The following SORCS3 variants were observed in gnomAD, a reference collection of about 807,000 sequenced individuals.
SORCS3 encodes VPS10 domain-containing receptor SorCS3.
A neutral mutation model predicts 146.3 loss-of-function variants in SORCS3; 57 were observed. The ratio of observed to expected loss-of-function variants is 0.39; its 90% CI spans 0.31 to 0.49. The LOEUF (loss-of-function observed/expected upper bound fraction) is 0.49. Among genes scored for constraint, SORCS3 ranks in the 20% least tolerant of loss-of-function variants. The pLI, the probability that SORCS3 is intolerant of heterozygous loss-of-function variation, is 0.92. For missense variants in SORCS3, 1,341 were observed against 1,575.5 expected (o/e 0.85, Z 2.52); for synonymous variants, 653 against 618.5 (o/e 1.06, Z -0.83).
intron 3 of SORCS3, among the ~76,000 whole-genome samples, chr10:104,940,272 T>C (rs2019306140): frequency 7.2e-6 from 1 of 138,722 alleles, no homozygotes; most frequent in African/African-American, 2.5e-5. Context: ...CTTTAAGTTC[T>C]AGGGTACATG....
intron 2 of SORCS3, among the ~76,000 whole-genome samples, chr10:104,913,835 A>T (rs984783975): frequency 2.5e-4 from 35 of 138,430 alleles, no homozygotes; most frequent in African/African-American, 9.8e-4. Context: ...CAGTGGTGCG[A>T]TCTCAGCTCA....
chr10:104,816,858 C>T (rs1196943353), intron 1 of SORCS3, among the ~76,000 whole-genome samples: 1 of 152,204 alleles, frequency 6.6e-6, no homozygotes, highest in African/African-American at 2.4e-5. Context: ...TCTCTCCTTA[C>T]TTTCACTTCC....
intron 20 of SORCS3, among the ~76,000 whole-genome samples, chr10:105,235,705 T>C (rs937403990): frequency 6.6e-6 from 1 of 151,960 alleles, no homozygotes; most frequent in Non-Finnish European, 1.5e-5. Context: ...TCCCCAGTCT[T>C]TTTTAGGGAG....
intron 13 of SORCS3, among the ~76,000 whole-genome samples, chr10:105,168,494 G>C (rs556295918): frequency 2.0e-5 from 3 of 152,148 alleles, no homozygotes; most frequent in Non-Finnish European, 4.4e-5. Flanking sequence ...AATATTTGTG[G>C]GTGGAGAATA....
chr10:104,905,373 G>A (rs1471186081), intron 2 of SORCS3, among the ~76,000 whole-genome samples: 1 of 150,012 alleles, frequency 6.7e-6, no homozygotes, highest in East Asian at 1.9e-4. Flanking sequence ...TGTGTTGGAA[G>A]ACTTTAGCCC....
intron 9 of SORCS3, among the ~76,000 whole-genome samples, chr10:105,154,368 A>G (rs2056190639): frequency 1.3e-5 from 2 of 152,168 alleles, no homozygotes; most frequent in South Asian, 4.1e-4. Context: ...CTTTGTCCTG[A>G]GGTCTCTGGG....
chr10:104,780,643 G>C (rs989416270), intron 1 of SORCS3, among the ~76,000 whole-genome samples: 1 of 152,234 alleles, frequency 6.6e-6, no homozygotes, highest in Non-Finnish European at 1.5e-5. Context: ...TATGAAACCA[G>C]ATCTCTGGGT....
intron 2 of SORCS3, among the ~76,000 whole-genome samples, chr10:104,863,811 G>T (rs115662677): frequency 1.6e-3 from 240 of 152,332 alleles, no homozygotes; most frequent in African/African-American, 5.7e-3. Context: ...CAGCTAGATG[G>T]TATAGGATGG....
chr10:105,038,894 A>G (rs2055321830), intron 4 of SORCS3, among the ~76,000 whole-genome samples: 1 of 152,184 alleles, frequency 6.6e-6, no homozygotes, highest in Non-Finnish European at 1.5e-5. Flanking sequence ...TTTTGTAATC[A>G]CAAAAGTAAT....
intron 5 of SORCS3, among the ~76,000 whole-genome samples, chr10:105,045,440 C>T (rs1019772837): frequency 6.6e-6 from 1 of 152,088 alleles, no homozygotes; most frequent in African/African-American, 2.4e-5. Flanking sequence ...TTGTAATTAT[C>T]ACTTCTCCAT....
intron 2 of SORCS3, among the ~76,000 whole-genome samples, chr10:104,859,299 G>C (rs55780381): frequency 3.9e-5 from 6 of 152,084 alleles, no homozygotes; most frequent in East Asian, 3.9e-4. Context: ...ACAAACCTGA[G>C]AAAAACAAGC....
intron 9 of SORCS3, among the ~76,000 whole-genome samples, chr10:105,154,257 T>C (rs1253912153): frequency 6.6e-6 from 1 of 152,112 alleles, no homozygotes; most frequent in Non-Finnish European, 1.5e-5. Context: ...AGGGTCTTTT[T>C]TCCCTGAACC....
At chr10:104,720,096 A>C (rs1467154303) in intron 1 of SORCS3, among the ~76,000 whole-genome samples, 2 of 152,100 alleles carry the variant, frequency 1.3e-5, no homozygotes, top group African/African-American at 4.8e-5. Flanking sequence ...ATTTAACAAT[A>C]GGTATATCTC....
intron 20 of SORCS3, among the ~76,000 whole-genome samples, chr10:105,232,579 C>T (rs2056771583): frequency 6.6e-6 from 1 of 151,068 alleles, no homozygotes; most frequent in Non-Finnish European, 1.5e-5. Flanking sequence ...TTTCTGCTTA[C>T]CTTGGAGTTT....
chr10:104,746,068 TG>T (rs1327887787), intron 1 of SORCS3, among the ~76,000 whole-genome samples: 2 of 152,004 alleles, frequency 1.3e-5, no homozygotes, highest in African/African-American at 4.8e-5. Context: ...ATTTTGAAGG[TG>T]GTGTTTTAAT....
intron 1 of SORCS3, among the ~76,000 whole-genome samples, chr10:104,755,851 T>C (rs2017044570): frequency 6.6e-6 from 1 of 152,212 alleles, no homozygotes; most frequent in Admixed American, 6.5e-5. Context: ...AATGTTCCTG[T>C]CTGTTTTCTC....
chr10:104,642,022 G>GGGGCCCC, intron 1 of SORCS3, 68 bp downstream of exon 1: 1 of 173,334 alleles, frequency 5.8e-6, no homozygotes, highest in Non-Finnish European at 1.1e-5. Flanking sequence ...GGGTGGGTGG[G>GGGGCCCC]AGCGAGGGAC....
intron 5 of SORCS3, among the ~76,000 whole-genome samples, chr10:105,044,443 G>A (rs142086681): frequency 2.0e-5 from 3 of 152,146 alleles, no homozygotes; most frequent in South Asian, 2.1e-4. Flanking sequence ...TACTCATTCC[G>A]TATCTCTTAT....
At chr10:105,001,858 C>T (rs11192270) in intron 4 of SORCS3, among the ~76,000 whole-genome samples, 46,862 of 152,052 alleles carry the variant, frequency 0.31, 9,469 homozygotes, top group African/African-American at 0.57. Flanking sequence ...GTTCCCATTT[C>T]AGAGAAGAGG....
Sources: allele counts gnomAD v4.1 joint callset (sites outside exome capture counted in the v4.1 genomes callset), GRCh38; gene constraint gnomAD v4.1.1; transcripts MANE v1.5; gene names NCBI Gene and HGNC (gene_info 2026-07-23, HGNC 2026-07-21).